The following PRKAR2A variants were observed in gnomAD, a reference collection of about 807,000 sequenced individuals.
The protein encoded by PRKAR2A is protein kinase cAMP-dependent type II regulatory subunit alpha, also known as cAMP-dependent protein kinase type II-alpha regulatory subunit.
In PRKAR2A, 29 loss-of-function variants were observed where a neutral mutation model predicts 51.9. The observed-to-expected ratio is 0.56, with a 90% confidence interval of 0.42 to 0.76. The LOEUF is 0.76. Among genes scored for constraint, PRKAR2A ranks in the 30% least tolerant of loss-of-function variants. PRKAR2A has a pLI of 0.00. For missense variants in PRKAR2A, 445 were observed against 512.1 expected (o/e 0.87, Z 1.26); for synonymous variants, 178 against 186.2 (o/e 0.96, Z 0.36).
intron 8 of PRKAR2A, 147 bp from the exon 9 acceptor site, chr3:48,756,591 C>A: frequency 8.5e-6 from 5 of 585,378 alleles, no homozygotes; most frequent in South Asian, 2.5e-5. Context: ...TCAGAGCAGG[C>A]AATGAGACCT....
At chr3:48,807,479 A>G (rs1477236434) in intron 2 of PRKAR2A, among the ~76,000 whole-genome samples, 170 bp downstream of exon 2, 1 of 152,218 alleles carries the variant, frequency 6.6e-6, no homozygotes, top group Non-Finnish European at 1.5e-5. Flanking sequence ...ATACGTACAT[A>G]CATACTCAGA....
At chr3:48,804,379 GGAGCCTAGGA>G (rs2082640646) in intron 2 of PRKAR2A, among the ~76,000 whole-genome samples, 3 of 151,994 alleles carry the variant, frequency 2.0e-5, no homozygotes, top group Non-Finnish European at 4.4e-5. Context: ...GAGGATCACT[GGAGCCTAGGA>G]AGTTGAGGCT....
intron 4 of PRKAR2A, among the ~76,000 whole-genome samples, chr3:48,789,082 A>G (rs1575880494): frequency 6.6e-6 from 1 of 152,128 alleles, no homozygotes; most frequent in African/African-American, 2.4e-5. Context: ...AGAAAAATCA[A>G]TCTCTTTGTA....
At chr3:48,833,542 T>C (rs901626798) in intron 1 of PRKAR2A, among the ~76,000 whole-genome samples, 3 of 149,154 alleles carry the variant, frequency 2.0e-5, no homozygotes, top group Admixed American at 6.7e-5. Flanking sequence ...ACCCCATCTC[T>C]ACTAAAAACA....
chr3:48,832,059 C>T (rs1280578700), intron 1 of PRKAR2A, among the ~76,000 whole-genome samples: 25 of 152,060 alleles, frequency 1.6e-4, no homozygotes, highest in South Asian at 2.1e-4. Flanking sequence ...TTTGGGAGGC[C>T]GAGGCAGGTA....
At chr3:48,774,031 C>A (rs1167227685) in intron 5 of PRKAR2A, among the ~76,000 whole-genome samples, 1 of 152,004 alleles carries the variant, frequency 6.6e-6, no homozygotes, top group Non-Finnish European at 1.5e-5. Flanking sequence ...TGGGGTCTCA[C>A]TATGTTGCCC....
intron 2 of PRKAR2A, among the ~76,000 whole-genome samples, chr3:48,794,417 T>TGG (rs754527699): frequency 1.7e-3 from 253 of 152,062 alleles, no homozygotes; most frequent in Non-Finnish European, 2.4e-3. Context: ...CCACCTGATG[T>TGG]ATAATATAAA....
Position 48,826,584 on chromosome 3 carries a change from C to A in PRKAR2A, c.263-18900G>T, listed in dbSNP as rs190053324. Among the ~76,000 whole-genome samples, 426 of 152,214 alleles carry A rather than the reference C, an allele frequency of 2.8e-3. 3 individuals carry two copies. The highest frequency in any genetic ancestry group is 9.5e-3 in the African/African-American group (396 of 41,546). On this transcript the variant is annotated intron_variant, in intron 1 of 10. Transcript: ENST00000265563. The stretch of plus-strand genomic sequence containing the variant: ...CATTGGCCACATAACTAAACTCAAC[C>A]TCCAGCCCCCTTTCTCTCCCCAGAG...
chr3:48,774,180 C>A (rs1305160096), intron 5 of PRKAR2A, among the ~76,000 whole-genome samples: 2 of 151,820 alleles, frequency 1.3e-5, no homozygotes, highest in African/African-American at 4.8e-5. Flanking sequence ...TAATTTATGG[C>A]GTACATGTGA....
In PRKAR2A at chr3:48,831,979, T is replaced by C. The variant is rs950929402; in HGVS notation, c.262+15356A>G. Among the ~76,000 whole-genome samples the C allele has an allele frequency of 5.3e-5, 8 of 152,240 alleles. No individual in the cohort carries two copies. In the South Asian group the frequency reaches 1.7e-3, roughly 32 times the overall value. On this transcript the variant is annotated intron_variant, in intron 1 of 10. Transcript: ENST00000265563. ...TAACTGTCTTTGCACACGTATCTTGTGGTCATCACATCTTAAAACTGCTGA... is the reference window on the plus strand; with the variant it reads ...TAACTGTCTTTGCACACGTATCTTGCGGTCATCACATCTTAAAACTGCTGA...
At chr3:48,813,524 CT>C (rs958387483) in intron 1 of PRKAR2A, among the ~76,000 whole-genome samples, 124 of 152,208 alleles carry the variant, frequency 8.1e-4, no homozygotes, top group African/African-American at 2.9e-3. Context: ...GAAACCCTGT[CT>C]CTACTAAAAA....
intron 5 of PRKAR2A, among the ~76,000 whole-genome samples, chr3:48,780,483 G>A (rs1221573641): frequency 2.6e-5 from 4 of 151,272 alleles, no homozygotes; most frequent in Non-Finnish European, 5.9e-5. Context: ...GGCGCCTGTA[G>A]TCCCAGCTAC....
At chr3:48,822,210 C>CAAAAA (rs34189728) in intron 1 of PRKAR2A, among the ~76,000 whole-genome samples, 1 of 109,070 alleles carries the variant, frequency 9.2e-6, no homozygotes, top group Non-Finnish European at 1.8e-5. Context: ...GATTCTGTCT[C>CAAAAA]AAAAAAAAAA....
chr3:48,818,390 A>G (rs1382611602), intron 1 of PRKAR2A, among the ~76,000 whole-genome samples: 1 of 152,226 alleles, frequency 6.6e-6, no homozygotes, highest in Non-Finnish European at 1.5e-5. Context: ...ATCTGACAAC[A>G]CTCTGGAGAA....
At chr3:48,805,292 A>T (rs1323855777) in intron 2 of PRKAR2A, among the ~76,000 whole-genome samples, 2 of 152,204 alleles carry the variant, frequency 1.3e-5, no homozygotes, top group Non-Finnish European at 2.9e-5. Context: ...CAATAGAGAC[A>T]TTCACCCATT....
intron 2 of PRKAR2A, among the ~76,000 whole-genome samples, chr3:48,798,493 C>A (rs1216258469): frequency 5.3e-5 from 8 of 152,004 alleles, no homozygotes; most frequent in African/African-American, 1.9e-4. Context: ...CAGAAATATT[C>A]TCATATTTGA....
chr3:48,827,237 C>T (rs1308150204), intron 1 of PRKAR2A, among the ~76,000 whole-genome samples: 1 of 151,684 alleles, frequency 6.6e-6, no homozygotes, highest in African/African-American at 2.4e-5. Context: ...AGACAAATCA[C>T]CTGCCCTGTT....
intron 4 of PRKAR2A, among the ~76,000 whole-genome samples, chr3:48,789,800 T>C (rs1369370372): frequency 6.6e-6 from 1 of 152,096 alleles, no homozygotes; most frequent in Non-Finnish European, 1.5e-5. Flanking sequence ...CATAGATTTT[T>C]GCAACCTCAG....
intron 5 of PRKAR2A, among the ~76,000 whole-genome samples, chr3:48,776,468 T>C (rs958852982): frequency 6.6e-6 from 1 of 152,136 alleles, no homozygotes; most frequent in Non-Finnish European, 1.5e-5. Flanking sequence ...TCTATATATA[T>C]CATGGAGTCA....
Sources: gnomAD v4.1 joint callset for allele counts (sites outside exome capture counted in the v4.1 genomes callset) on GRCh38, gnomAD v4.1.1 for gene constraint, MANE v1.5 for transcripts, NCBI Gene and HGNC (gene_info 2026-07-23, HGNC 2026-07-21) for gene names.